ARID4B: variants seen among roughly 807,000 people sequenced by gnomAD.
ARID4B encodes AT-rich interactive domain-containing protein 4B.
ARID4B carries 26 observed loss-of-function variants against 147.5 expected under a neutral mutation model. That is an observed-to-expected ratio of 0.18 (90% CI 0.13 to 0.24). ARID4B has a LOEUF of 0.24. Ranked by LOEUF, ARID4B falls within the 10% of genes least tolerant of loss-of-function variation. The probability of loss-of-function intolerance (pLI) is 1.00; values close to 1 mark genes in which losing one functional copy is unlikely to be tolerated. For synonymous variants in ARID4B, 512 were observed against 507.9 expected (o/e 1.01, Z -0.11); for missense variants, 1,179 against 1,511.5 (o/e 0.78, Z 3.65).
At position 235,229,310 on chromosome 1, in the gene ARID4B, C is replaced by G. The variant is rs1343550527; in HGVS notation, c.818G>C (p.Ser273Thr). 3 of 1,613,488 alleles carry G rather than the reference C, an allele frequency of 1.9e-6. No homozygotes were observed. The highest frequency in any genetic ancestry group is 2.7e-5 in the African/African-American group (2 of 74,910). ...ANWKTELKED[S>T]SSSEAEEEEE... ...TTCTTCCTCTGCTTCACTGCTAGAG[C>G]TATCTTCTTTCAATTCAGTCTTCCA... The change falls in exon 11 of 24, where the codon AGC becomes ACC. Residue 273 changes from serine to threonine, a missense_variant. Ser to Thr is a moderately conservative substitution (Grantham distance 58). This residue lies in a region of ARID4B where 159 missense variants were observed against 190.5 expected (regional missense o/e 0.83). Transcript: ENST00000264183.
intron 11 of ARID4B, among the ~76,000 whole-genome samples, chr1:235,227,499 G>A (rs1035172559): frequency 2.0e-5 from 3 of 152,090 alleles, no homozygotes; most frequent in African/African-American, 7.2e-5. Context: ...ACAGTTAAAA[G>A]GCAGAATTTC....
At chr1:235,286,442 T>A (rs3845566) in intron 2 of ARID4B, among the ~76,000 whole-genome samples, 71,162 of 152,084 alleles carry the variant, frequency 0.47, 16,988 homozygotes, top group South Asian at 0.61. Flanking sequence ...TGGAGGAATC[T>A]GTTAAACAGT....
intron 16 of ARID4B, among the ~76,000 whole-genome samples, chr1:235,216,008 G>GCAA (rs1340471680): frequency 1.3e-5 from 2 of 151,552 alleles, no homozygotes; most frequent in East Asian, 3.9e-4. Flanking sequence ...AATTATACAG[G>GCAA]CAACAAAAAT....
chr1:235,259,601 A>G (rs1670177423), intron 3 of ARID4B, among the ~76,000 whole-genome samples: 2 of 152,224 alleles, frequency 1.3e-5, no homozygotes. Flanking sequence ...GGAAATGCAC[A>G]CTATAAAAGC....
chr1:235,236,831 AAAATATATAT>A lies in ARID4B; in HGVS notation c.586-2349_586-2340del, dbSNP rs1392227414. 1.3e-3 allele frequency among the ~76,000 whole-genome samples: 35 copies of A among 27,512 alleles called. 2 individuals carry two copies. Among genetic ancestry groups the A allele is most frequent in the African/African-American group, 5.6e-3 (34 of 6,110 alleles). 18.0% of individuals were successfully genotyped at this position (27,512 alleles called of 152,430 possible). A position where few individuals can be genotyped will look rare whatever the true frequency, so the allele number is the denominator to read the frequency against. Reference sequence around the variant, plus strand: ...CCTGGCCCACAAAACGGTTTTATAAAAAATATATATATATATATATATATATATATATTTT... The same window carrying A: ...CCTGGCCCACAAAACGGTTTTATAAAATATATATATATATATATATATTTT... On this transcript the variant is annotated intron_variant, in intron 8 of 23. Transcript: ENST00000264183.
chr1:235,315,990 C>T (rs547417783), intron 2 of ARID4B, among the ~76,000 whole-genome samples: 4 of 151,290 alleles, frequency 2.6e-5, no homozygotes, highest in Admixed American at 6.6e-5. Context: ...GACCAGCCAA[C>T]GCAACATACC....
In ARID4B at chr1:235,234,510, G is replaced by T; in HGVS notation, c.586-18C>A. 1 of 1,550,800 alleles carries T rather than the reference G, an allele frequency of 6.4e-7. No homozygotes were observed. Among genetic ancestry groups the T allele is most frequent in the Non-Finnish European group, 8.9e-7 (1 of 1,128,784 alleles). ...CAAACCACCTTTTAAGAAAAAGGGTGAAGCTATTATAACTAAAAGAACTCA... is the reference window on the plus strand; with the variant it reads ...CAAACCACCTTTTAAGAAAAAGGGTTAAGCTATTATAACTAAAAGAACTCA... On this transcript the variant is annotated intron_variant, in intron 8 of 23. Coordinates refer to ENST00000264183, the MANE Select transcript of ARID4B (RefSeq NM_016374.6).
At chr1:235,214,447 C>G (rs1666920802) in intron 16 of ARID4B, among the ~76,000 whole-genome samples, 1 of 152,042 alleles carries the variant, frequency 6.6e-6, no homozygotes, top group Non-Finnish European at 1.5e-5. Context: ...ATATTTCCAG[C>G]CTCAAGATGT....
Position 235,236,492 on chromosome 1 carries a change from T to TTG in ARID4B, c.586-2002_586-2001dup, listed in dbSNP as rs111585112. Among the ~76,000 whole-genome samples, 826 of 147,124 alleles carry TTG rather than the reference T, an allele frequency of 5.6e-3. 6 individuals carry two copies. Among genetic ancestry groups the TTG allele is most frequent in the East Asian group, 0.011 (53 of 4,776 alleles). ...ATTGAGAAAAAGACTTACAAAACAG[T>TTG]TGTGTGTGTGTGTGTGTGTGTGTGT... On this transcript the variant is annotated intron_variant, in intron 8 of 23. Transcript: ENST00000264183.
rs140272159 is a variant in ARID4B at position 235,200,116 on chromosome 1, C to T, written c.1842-4001G>A. Among the ~76,000 whole-genome samples, 1,200 of 151,892 alleles carry T rather than the reference C, an allele frequency of 7.9e-3. 9 individuals are homozygous for T. The highest frequency in any genetic ancestry group is 9.0e-3 in the Non-Finnish European group (614 of 67,948). On this transcript the variant is annotated intron_variant, in intron 17 of 23. Transcript: ENST00000264183. The stretch of plus-strand genomic sequence containing the variant: ...GGCAGATCACCCGAGGCCAGGAGTT[C>T]GAGACCAGCCTGGCCAACGTGGTGA...
At chr1:235,173,760 AAAAAAAAAAAAATATAT>A (rs1342600384) in intron 22 of ARID4B, among the ~76,000 whole-genome samples, 3 of 52,792 alleles carry the variant, frequency 5.7e-5, no homozygotes, top group African/African-American at 3.1e-4. Context: ...AAAAAAAAAA[AAAAAAAAAAAAATATAT>A]ATATATATAT....
intron 2 of ARID4B, among the ~76,000 whole-genome samples, chr1:235,314,461 A>AGTAAAGGACAT (rs1329495761): frequency 6.6e-6 from 1 of 152,218 alleles, no homozygotes; most frequent in African/African-American, 2.4e-5. Flanking sequence ...TCAGCAGCCA[A>AGTAAAGGACAT]GTAAAGGACA....
chr1:235,249,390 A>G (rs1021148260), intron 6 of ARID4B, among the ~76,000 whole-genome samples: 1 of 152,202 alleles, frequency 6.6e-6, no homozygotes, highest in African/African-American at 2.4e-5. Flanking sequence ...TATAATACTC[A>G]AAGTATGAAT....
At chr1:235,234,534 CATAG>C in intron 8 of ARID4B, 42 bp from the exon 9 acceptor site, 2 of 1,346,938 alleles carry the variant, frequency 1.5e-6, no homozygotes, top group Non-Finnish European at 2.1e-6. Flanking sequence ...TAAAAGAACT[CATAG>C]ATAGGTAAGT....
intron 11 of ARID4B, chr1:235,228,279 T>C (rs903329459): frequency 7.6e-5 from 11 of 144,600 alleles, no homozygotes; most frequent in Non-Finnish European, 1.5e-4. Context: ...ATTAGGTAGG[T>C]AGGTTCTTTT....
intron 6 of ARID4B, among the ~76,000 whole-genome samples, chr1:235,247,971 A>G (rs1328599273): frequency 6.6e-6 from 1 of 152,172 alleles, no homozygotes; most frequent in African/African-American, 2.4e-5. Flanking sequence ...CTGTGCAACA[A>G]GAGCGAAATT....
chr1:235,254,377 C>T (rs1669819946), intron 5 of ARID4B, among the ~76,000 whole-genome samples: 1 of 151,692 alleles, frequency 6.6e-6, no homozygotes, highest in Admixed American at 6.6e-5. Flanking sequence ...TAAATGGCTA[C>T]CAATCTAGGA....
At chr1:235,277,698 A>C (rs1310635744) in intron 2 of ARID4B, among the ~76,000 whole-genome samples, 1 of 147,552 alleles carries the variant, frequency 6.8e-6, no homozygotes, top group Non-Finnish European at 1.5e-5. Flanking sequence ...ATCTTTCAGG[A>C]TTTTAATGGT....
intron 7 of ARID4B, among the ~76,000 whole-genome samples, chr1:235,243,925 G>A (rs982042749): frequency 3.3e-5 from 5 of 151,734 alleles, no homozygotes; most frequent in East Asian, 1.9e-4. Context: ...AAAATAAAGC[G>A]GCAAAATAAA....
Sources: allele counts gnomAD v4.1 joint callset (sites outside exome capture counted in the v4.1 genomes callset), GRCh38; gene constraint gnomAD v4.1.1; regional missense constraint gnomAD v4.1.1; transcripts MANE v1.5; gene names NCBI Gene and HGNC (gene_info 2026-07-23, HGNC 2026-07-21).